Variants in ROBO2 observed in about 807,000 individuals in gnomAD.
ROBO2 encodes roundabout homolog 2.
Under a neutral mutation model 160.8 loss-of-function variants are expected in ROBO2, and 53 were observed. That is an observed-to-expected ratio of 0.33 (90% CI 0.26 to 0.41). The LOEUF (loss-of-function observed/expected upper bound fraction) is 0.41. Ranked by LOEUF, ROBO2 falls within the 10% of genes least tolerant of loss-of-function variation. The probability of loss-of-function intolerance (pLI) is 1.00; values close to 1 mark genes in which losing one functional copy is unlikely to be tolerated. For synonymous variants in ROBO2, 664 were observed against 611.7 expected (o/e 1.09, Z -1.26); for missense variants, 1,577 against 1,722.4 (o/e 0.92, Z 1.49).
chr3:76,635,937 C>G (rs1335315751), intron 2 of ROBO2, among the ~76,000 whole-genome samples: 1 of 152,164 alleles, frequency 6.6e-6, no homozygotes, highest in African/African-American at 2.4e-5. Context: ...AGAGCATCAG[C>G]CCAGCCTGCT....
At chr3:76,351,721 A>G (rs146824347) in intron 2 of ROBO2, among the ~76,000 whole-genome samples, 183 of 152,074 alleles carry the variant, frequency 1.2e-3, no homozygotes, top group Non-Finnish European at 2.1e-3. Context: ...ATGTAAATAT[A>G]TGAGTTTTTC....
chr3:76,846,935 GAAC>G (rs1172859571), intron 2 of ROBO2, among the ~76,000 whole-genome samples: 1 of 151,818 alleles, frequency 6.6e-6, no homozygotes, highest in Non-Finnish European at 1.5e-5. Flanking sequence ...TTAGATAATT[GAAC>G]AACAATCAAC....
chr3:77,562,525 T>C, intron 9 of ROBO2, 126 bp from the exon 11 acceptor site: 2 of 669,452 alleles, frequency 3.0e-6, no homozygotes, highest in African/African-American at 1.8e-5. Flanking sequence ...TTGACTCTAA[T>C]GCATAATTTA....
At chr3:77,210,669 T>C (rs1233879319) in intron 2 of ROBO2, among the ~76,000 whole-genome samples, 1 of 152,188 alleles carries the variant, frequency 6.6e-6, no homozygotes, top group Non-Finnish European at 1.5e-5. Context: ...ACATGTGCCA[T>C]GTTGGTGTGC....
intron 10 of ROBO2, 123 bp downstream of exon 11, chr3:77,562,855 CA>C: frequency 1.3e-6 from 1 of 775,780 alleles, no homozygotes; most frequent in Admixed American, 2.0e-5. Context: ...CCTTTACATT[CA>C]ATGCCATTTT....
chr3:76,173,057 C>T (rs1050797911), intron 2 of ROBO2, among the ~76,000 whole-genome samples: 3 of 151,888 alleles, frequency 2.0e-5, no homozygotes, highest in African/African-American at 7.3e-5. Flanking sequence ...GGAAATATGA[C>T]CACATGGCGT....
upstream of ROBO2, among the ~76,000 whole-genome samples, chr3:77,038,944 G>A (rs549649591): frequency 1.3e-5 from 2 of 152,314 alleles, no homozygotes; most frequent in South Asian, 4.1e-4. Context: ...GGTCCCTGGA[G>A]GGTAAAGACT....
intron 2 of ROBO2, among the ~76,000 whole-genome samples, chr3:77,244,250 C>T (rs1042917223): frequency 2.0e-5 from 3 of 152,040 alleles, no homozygotes; most frequent in African/African-American, 7.3e-5. Flanking sequence ...AACATATAGG[C>T]TTTATAAACA....
At chr3:77,104,253 A>T (rs375092407) in intron 2 of ROBO2, among the ~76,000 whole-genome samples, 69 of 152,260 alleles carry the variant, frequency 4.5e-4, no homozygotes, top group African/African-American at 1.6e-3. Flanking sequence ...GTAAATGCTA[A>T]TCTACTTTCT....
intron 2 of ROBO2, among the ~76,000 whole-genome samples, chr3:76,286,060 T>C (rs1708489789): frequency 6.6e-6 from 1 of 152,188 alleles, no homozygotes; most frequent in Non-Finnish European, 1.5e-5. Context: ...TTCTCCTAAG[T>C]AGTTCACAGT....
chr3:77,088,624 T>C (rs2069685471), intron 1 of ROBO2, among the ~76,000 whole-genome samples: 1 of 152,150 alleles, frequency 6.6e-6, no homozygotes, highest in East Asian at 1.9e-4. Flanking sequence ...AGCCAGTTAG[T>C]CTTTGGTTAA....
intron 2 of ROBO2, among the ~76,000 whole-genome samples, chr3:76,214,534 G>C (rs2107345759): frequency 6.6e-6 from 1 of 152,190 alleles, no homozygotes; most frequent in East Asian, 1.9e-4. Context: ...CTGGCTTGGA[G>C]GGTCCTAAGC....
intron 2 of ROBO2, among the ~76,000 whole-genome samples, chr3:76,214,134 C>A (rs563602981): frequency 1.3e-5 from 2 of 152,114 alleles, no homozygotes; most frequent in Non-Finnish European, 2.9e-5. Flanking sequence ...GGCACCCATA[C>A]GCATCTCCTT....
At chr3:76,412,242 C>A (rs199919123) in intron 2 of ROBO2, among the ~76,000 whole-genome samples, 2 of 152,138 alleles carry the variant, frequency 1.3e-5, no homozygotes, top group African/African-American at 4.8e-5. Flanking sequence ...GGTCCCTCCC[C>A]CTGGGTTACT....
chr3:77,157,987 G>C (rs1410860240), intron 2 of ROBO2, among the ~76,000 whole-genome samples: 1 of 151,960 alleles, frequency 6.6e-6, no homozygotes, highest in Admixed American at 6.6e-5. Flanking sequence ...TGAATAGAAA[G>C]GGAAACATAA....
chr3:76,205,719 C>A (rs142156278), intron 2 of ROBO2, among the ~76,000 whole-genome samples: 1 of 152,142 alleles, frequency 6.6e-6, no homozygotes, highest in Non-Finnish European at 1.5e-5. Flanking sequence ...TGCTCTTGCA[C>A]GTCTCTGGGG....
At chr3:77,272,466 A>G (rs998081120) in intron 2 of ROBO2, among the ~76,000 whole-genome samples, 3 of 152,052 alleles carry the variant, frequency 2.0e-5, no homozygotes, top group Non-Finnish European at 4.4e-5. Flanking sequence ...ATGAGGACTC[A>G]CTATCACAAG....
chr3:76,253,129 T>A (rs1237233979), intron 2 of ROBO2, among the ~76,000 whole-genome samples: 1 of 152,062 alleles, frequency 6.6e-6, no homozygotes, highest in Non-Finnish European at 1.5e-5. Context: ...AGTTGACACA[T>A]AATGCTATCA....
chr3:76,236,222 T>G (rs1017213871), intron 2 of ROBO2, among the ~76,000 whole-genome samples: 1 of 152,100 alleles, frequency 6.6e-6, no homozygotes, highest in Admixed American at 6.6e-5. Flanking sequence ...TGTATTCAGT[T>G]TTAAAGTGTA....
Sources: allele counts gnomAD v4.1 joint callset (sites outside exome capture counted in the v4.1 genomes callset), GRCh38; gene constraint gnomAD v4.1.1; transcripts MANE v1.5; gene names NCBI Gene and HGNC (gene_info 2026-07-23, HGNC 2026-07-21).